The following FGGY variants were observed in gnomAD, a reference collection of about 807,000 sequenced individuals.
FGGY encodes FGGY carbohydrate kinase domain-containing protein.
A neutral mutation model predicts 71.3 loss-of-function variants in FGGY; 72 were observed. The ratio of observed to expected loss-of-function variants is 1.01; its 90% CI spans 0.84 to 1.23. The LOEUF (loss-of-function observed/expected upper bound fraction) is 1.23, where lower values mean the gene tolerates loss of function less well. Ranked by LOEUF, FGGY falls within the 50% of genes most tolerant of loss-of-function variation. The probability of loss-of-function intolerance (pLI) is 0.00; values close to 1 mark genes in which losing one functional copy is unlikely to be tolerated. For synonymous variants in FGGY, 251 were observed against 250.3 expected (o/e 1.00, Z -0.02); for missense variants, 668 against 682.3 (o/e 0.98, Z 0.23).
At chr1:59,321,059 T>C (rs1446770157) in intron 1 of FGGY, among the ~76,000 whole-genome samples, 1 of 152,226 alleles carries the variant, frequency 6.6e-6, no homozygotes, top group African/African-American at 2.4e-5. Flanking sequence ...AAAGGGGACA[T>C]AAGCACTTTT....
At chr1:59,564,558 G>T (rs2095845480) in intron 8 of FGGY, among the ~76,000 whole-genome samples, 1 of 152,216 alleles carries the variant, frequency 6.6e-6, no homozygotes, top group Non-Finnish European at 1.5e-5. Context: ...AGCAGAGGAT[G>T]CTCAAAATCA....
chr1:59,701,554 G>A (rs2097709929), intron 14 of FGGY, among the ~76,000 whole-genome samples: 1 of 152,134 alleles, frequency 6.6e-6, no homozygotes, highest in Non-Finnish European at 1.5e-5. Context: ...GTTTCCAACA[G>A]TATTGCAGAA....
chr1:59,392,224 G>T (rs950794534), intron 5 of FGGY, among the ~76,000 whole-genome samples: 1 of 152,138 alleles, frequency 6.6e-6, no homozygotes, highest in Non-Finnish European at 1.5e-5. Context: ...TTCGGAATAT[G>T]TTATACTTAT....
intron 5 of FGGY, among the ~76,000 whole-genome samples, chr1:59,381,093 G>T (rs1005110950): frequency 6.6e-6 from 1 of 152,166 alleles, no homozygotes; most frequent in Non-Finnish European, 1.5e-5. Flanking sequence ...TCAAAGATCA[G>T]ATGGTTGTAG....
intron 8 of FGGY, among the ~76,000 whole-genome samples, chr1:59,593,855 G>C (rs2096487529): frequency 6.6e-6 from 1 of 152,180 alleles, no homozygotes; most frequent in Admixed American, 6.5e-5. Flanking sequence ...GTCATGTGAA[G>C]TGTCTCTGTT....
In FGGY at chr1:59,411,412, T is replaced by G. The variant is rs527255666; in HGVS notation, c.554+32575T>G. On this transcript the variant is annotated intron_variant, in intron 5 of 15. Coordinates refer to ENST00000303721, the MANE Select transcript of FGGY (RefSeq NM_018291.5). Reference sequence around the variant, plus strand: ...ATTTGTTAAGGTTGTGTCTTCCAGTTTATCCACTGTAAAGTTACTATTTTT... The same window carrying G: ...ATTTGTTAAGGTTGTGTCTTCCAGTGTATCCACTGTAAAGTTACTATTTTT... 5.9e-5 allele frequency among the ~76,000 whole-genome samples: 9 copies of G among 152,376 alleles called. No homozygotes were observed. The South Asian group carries it at 1.9e-3, about 32-fold the overall frequency.
chr1:59,531,497 C>T (rs181154586), intron 7 of FGGY, among the ~76,000 whole-genome samples: 14 of 152,218 alleles, frequency 9.2e-5, no homozygotes, highest in Non-Finnish European at 1.5e-5. Context: ...CAGAGAGCTA[C>T]TAAAGGACTT....
chr1:59,358,005 A>G (rs2054664354), intron 4 of FGGY, among the ~76,000 whole-genome samples: 1 of 152,244 alleles, frequency 6.6e-6, no homozygotes. Context: ...TTCTTTTCTC[A>G]TAGTGGCTAA....
At chr1:59,540,970 G>T (rs2095431069) in intron 7 of FGGY, among the ~76,000 whole-genome samples, 1 of 152,142 alleles carries the variant, frequency 6.6e-6, no homozygotes, top group Non-Finnish European at 1.5e-5. Context: ...GAGTAATCAA[G>T]TAAGGGAAAA....
chr1:59,761,523 C>A (rs1341733491), intron 15 of FGGY, among the ~76,000 whole-genome samples: 1 of 152,158 alleles, frequency 6.6e-6, no homozygotes, highest in Non-Finnish European at 1.5e-5. Context: ...TGTCAGCTTC[C>A]CAACCAAGAG....
intron 11 of FGGY, among the ~76,000 whole-genome samples, chr1:59,655,946 T>C (rs78778832): frequency 0.073 from 11,173 of 152,276 alleles, 1,102 homozygotes; most frequent in African/African-American, 0.22. Context: ...ATTGTTTCAA[T>C]TGGCATACAC....
chr1:59,409,527 T>C (rs2063265927), intron 5 of FGGY, among the ~76,000 whole-genome samples: 1 of 151,678 alleles, frequency 6.6e-6, no homozygotes, highest in South Asian at 2.1e-4. Flanking sequence ...TCCAAATGTG[T>C]CCCCAGCACT....
chr1:59,537,701 C>T (rs952369611), intron 7 of FGGY, among the ~76,000 whole-genome samples: 130 of 151,944 alleles, frequency 8.6e-4, no homozygotes, highest in African/African-American at 2.8e-3. Context: ...CGCATATCTA[C>T]AACTATCTGA....
At chr1:59,455,124 G>C (rs986012901) in intron 5 of FGGY, among the ~76,000 whole-genome samples, 2 of 152,210 alleles carry the variant, frequency 1.3e-5, no homozygotes, top group African/African-American at 4.8e-5. Context: ...ATACAGAGAA[G>C]AGTAAGGCTG....
intron 5 of FGGY, among the ~76,000 whole-genome samples, chr1:59,388,493 C>T (rs1031532974): frequency 6.6e-6 from 1 of 152,094 alleles, no homozygotes; most frequent in African/African-American, 2.4e-5. Context: ...TCATTCTCCC[C>T]AGAGAGCAGA....
At chr1:59,297,839 A>G (rs1009075051) in intron 1 of FGGY, among the ~76,000 whole-genome samples, 7 of 151,720 alleles carry the variant, frequency 4.6e-5, no homozygotes, top group Non-Finnish European at 8.8e-5. Flanking sequence ...AAAATTGACA[A>G]GGTGCAAAAT....
chr1:59,428,099 A>G (rs1177803372), intron 5 of FGGY, among the ~76,000 whole-genome samples: 8 of 152,234 alleles, frequency 5.3e-5, no homozygotes, highest in Non-Finnish European at 1.0e-4. Context: ...TCTGCCTGCT[A>G]TTATGAGACT....
rs2046423364 is a variant in FGGY, at chr1:59,321,744, C to T, written c.195C>T (p.Val65=). 6 of 1,609,922 alleles carry T rather than the reference C, an allele frequency of 3.7e-6. No individual in the cohort carries two copies. The highest frequency in any genetic ancestry group is 5.1e-6 in the Non-Finnish European group (6 of 1,178,464). The change falls in exon 2 of 16, where the codon GTC becomes GTT. Residue 65 remains valine, a synonymous_variant. Coordinates refer to ENST00000303721, the MANE Select transcript of FGGY (RefSeq NM_018291.5). ...ACATCTGGGCTGCGTGCTGTGTTGT[C>T]ACAAAGGTATGGGCAAAACTGGTGT... ...SEDIWAACCV[V]TKKVVQGIDL...
chr1:59,297,992 C>T (rs190816213), intron 1 of FGGY, among the ~76,000 whole-genome samples: 1 of 152,180 alleles, frequency 6.6e-6, no homozygotes, highest in Admixed American at 6.5e-5. Context: ...AGTATGAGAC[C>T]AGGAGGGGTG....
Sources: gnomAD v4.1 joint callset for allele counts (sites outside exome capture counted in the v4.1 genomes callset) on GRCh38, gnomAD v4.1.1 for gene constraint, MANE v1.5 for transcripts, NCBI Gene and HGNC (gene_info 2026-07-23, HGNC 2026-07-21) for gene names.